KPNA7: variants seen among roughly 807,000 people sequenced by gnomAD.
KPNA7 encodes importin subunit alpha-8.
Under a neutral mutation model 53.7 loss-of-function variants are expected in KPNA7, and 54 were observed. The observed-to-expected ratio is 1.01, with a 90% CI of 0.81 to 1.26. The LOEUF (loss-of-function observed/expected upper bound fraction) is 1.26. Among genes scored for constraint, KPNA7 ranks in the 50% most tolerant of loss-of-function variants. The pLI, the probability that KPNA7 is intolerant of heterozygous loss-of-function variation, is 0.00. For synonymous variants in KPNA7, 276 were observed against 259.3 expected, an observed-to-expected ratio of 1.06 and a Z score of -0.62; for missense variants, 640 against 644.5, an observed-to-expected ratio of 0.99 and a Z score of 0.07.
chr7:99,204,625 C>T (rs1036299592), intron 2 of KPNA7, among the ~76,000 whole-genome samples: 3 of 152,206 alleles, frequency 2.0e-5, no homozygotes, highest in African/African-American at 7.2e-5. Context: ...CCTGCAATCT[C>T]AGCACTTTGG....
the KPNA7 span, among the ~76,000 whole-genome samples, chr7:99,167,613 CTTTTTTTTTTTTTTTT>C: frequency 4.9e-4 from 33 of 67,142 alleles, 1 homozygote; most frequent in South Asian, 0.013. Context: ...TCACACCCAA[CTTTTTTTTTTTTTTTT>C]TTTTTTTTTT....
intron 3 of KPNA7, among the ~76,000 whole-genome samples, chr7:99,200,073 TTA>T (rs1790433907): frequency 6.6e-6 from 1 of 152,140 alleles, no homozygotes; most frequent in African/African-American, 2.4e-5. Flanking sequence ...CAGCTAATTT[TTA>T]TGTTTTTAGT....
chr7:99,214,887 G>A (rs1004333661), intron 1 of KPNA7, among the ~76,000 whole-genome samples: 2 of 152,026 alleles, frequency 1.3e-5, no homozygotes, highest in East Asian at 3.9e-4. Context: ...TGCTCTAGCT[G>A]CCACCTTGTT....
chr7:99,199,140 G>A (rs952321951), intron 3 of KPNA7, among the ~76,000 whole-genome samples: 2 of 138,466 alleles, frequency 1.4e-5, no homozygotes, highest in African/African-American at 5.4e-5. Flanking sequence ...ACTTAACATT[G>A]TTAAGATGGC....
At chr7:99,174,270 C>G (rs901890581) in intron 10 of KPNA7, among the ~76,000 whole-genome samples, 2 of 151,052 alleles carry the variant, frequency 1.3e-5, no homozygotes, top group Non-Finnish European at 3.0e-5. Flanking sequence ...GCCTGATGAT[C>G]TGTCAACTGT....
chr7:99,173,074 A>AG (rs1296679229), downstream of KPNA7, among the ~76,000 whole-genome samples: 1 of 151,420 alleles, frequency 6.6e-6, no homozygotes, highest in African/African-American at 2.4e-5. Flanking sequence ...AAAAAAAAAA[A>AG]AAAAAAAAAA....
chr7:99,186,851 A>C (rs1789620163), intron 7 of KPNA7, among the ~76,000 whole-genome samples: 2 of 152,222 alleles, frequency 1.3e-5, no homozygotes, highest in South Asian at 4.1e-4. Context: ...TGCTAATCTC[A>C]AAATAGATGA....
intron 5 of KPNA7, 25 bp from the exon 6 acceptor site, chr7:99,193,126 T>C (rs1790047588): frequency 2.2e-6 from 3 of 1,378,210 alleles, no homozygotes; most frequent in East Asian, 2.7e-5. Context: ...GAATGTGACA[T>C]TTAGAGAGAG....
At chr7:99,218,963 A>G (rs959420625) in intron 1 of KPNA7, among the ~76,000 whole-genome samples, 2 of 152,240 alleles carry the variant, frequency 1.3e-5, no homozygotes, top group East Asian at 1.9e-4. Context: ...TCACCTGGCC[A>G]GGAGCCGCAG....
At chr7:99,165,220 C>G in the KPNA7 span, among the ~76,000 whole-genome samples, 3 of 151,846 alleles carry the variant, frequency 2.0e-5, no homozygotes, top group African/African-American at 4.8e-5. Flanking sequence ...TGTGCAGTCA[C>G]CTAGCAGATG....
rs184622593 is a variant in KPNA7, at chr7:99,214,719, G to C, written c.-23-7230C>G. On this transcript the variant is annotated intron_variant, in intron 1 of 10. Transcript: ENST00000681060. ...AGGGGAGGGGAGGTAGGGGAGGGGA[G>C]GGGAGGTAGGGGAGGGGAGGGGAGG... Among the ~76,000 whole-genome samples the C allele has an allele frequency of 1.6e-3, 30 of 18,860 alleles. 12 individuals carry two copies. Among genetic ancestry groups the C allele is most frequent in the South Asian group, 0.014 (3 of 214 alleles). The allele number at this position is 18,860 out of a possible 152,430, so 12.4% of individuals were successfully genotyped here. A position where few individuals can be genotyped will look rare whatever the true frequency, so the allele number is the denominator to read the frequency against.
intron 1 of KPNA7, among the ~76,000 whole-genome samples, chr7:99,213,148 G>A (rs1437184843): frequency 7.0e-6 from 1 of 143,832 alleles, no homozygotes; most frequent in Non-Finnish European, 1.5e-5. Flanking sequence ...TTTTTTTTGA[G>A]ACAGAGTCTC....
Position 99,195,324 on chromosome 7 carries a change from T to C in KPNA7, c.299A>G (p.Gln100Arg), listed in dbSNP as rs1790172422. 1.3e-6 allele frequency: 2 copies of C among 1,551,076 alleles called. No individual in the cohort carries two copies. Among genetic ancestry groups the C allele is most frequent in the Non-Finnish European group, 1.7e-6 (2 of 1,146,750 alleles). The change falls in exon 5 of 11, where the codon CAG (glutamine) becomes CGG (arginine). Residue 100 changes from glutamine (Q) to arginine (R), a missense_variant. Physicochemically the swap from Gln to Arg is conservative, Grantham distance 43 (BLOSUM62 1). Transcript: ENST00000327442. ...CAGTTTCAGAGGGGGGTTCTTTTCC[T>C]GGGATAGCATTTTCCTATGCAATGA... is the stretch of plus-strand genomic sequence containing the variant. The part of the protein sequence containing the change: ...ATQTARKMLS[Q>R]EKNPPLKLVI...
intron 7 of KPNA7, among the ~76,000 whole-genome samples, chr7:99,186,941 A>G (rs1420130804): frequency 1.3e-5 from 2 of 152,222 alleles, no homozygotes; most frequent in Admixed American, 6.5e-5. Context: ...CATCTTCAAT[A>G]TAATGCACCC....
At chr7:99,214,961 G>A (rs1791178188) in intron 1 of KPNA7, among the ~76,000 whole-genome samples, 1 of 152,098 alleles carries the variant, frequency 6.6e-6, no homozygotes, top group Non-Finnish European at 1.5e-5. Flanking sequence ...CATGCATGAG[G>A]AAGAGGCCAG....
At chr7:99,189,493 C>T (rs1789823335) in intron 6 of KPNA7, among the ~76,000 whole-genome samples, 1 of 152,140 alleles carries the variant, frequency 6.6e-6, no homozygotes, top group Non-Finnish European at 1.5e-5. Context: ...AGTAAGGAAA[C>T]ATACCCTGGG....
At chr7:99,213,568 T>C (rs865854616) in intron 1 of KPNA7, among the ~76,000 whole-genome samples, 2 of 151,508 alleles carry the variant, frequency 1.3e-5, no homozygotes, top group Non-Finnish European at 2.9e-5. Context: ...CTCAGCTTCC[T>C]GAGTAGCTGG....
At chr7:99,151,342 C>A in the KPNA7 span, among the ~76,000 whole-genome samples, 4 of 152,256 alleles carry the variant, frequency 2.6e-5, no homozygotes, top group Non-Finnish European at 4.4e-5. Context: ...TCCCAGGAAC[C>A]ATATTCTAGA....
At position 99,199,072 on chromosome 7, in the gene KPNA7, A is replaced by ATT. The variant is rs1790377635; in HGVS notation, c.202-2907_202-2906insAA. 2.3e-5 allele frequency among the ~76,000 whole-genome samples: 3 copies of ATT among 127,864 alleles called. No homozygotes were observed. The East Asian group carries it at 6.6e-4, about 28-fold the overall frequency. 83.9% of individuals were successfully genotyped at this position (127,864 alleles called of 152,430 possible). A position where few individuals can be genotyped will look rare whatever the true frequency, so the allele number is the denominator to read the frequency against. The stretch of plus-strand genomic sequence containing the variant: ...AGTTATATGCTGCAAACTGAAAAAA[A>ATT]AAAAAAAAAAAAAAAAGGACTGAAA... On this transcript the variant is annotated intron_variant, in intron 3 of 10. Transcript: ENST00000327442.
Sources: allele counts gnomAD v4.1 joint callset (sites outside exome capture counted in the v4.1 genomes callset), GRCh38; gene constraint gnomAD v4.1.1; transcripts MANE v1.5; gene names NCBI Gene and HGNC (gene_info 2026-07-23, HGNC 2026-07-21).